Variants in GABRA2 observed in about 807,000 individuals in gnomAD.
The protein encoded by GABRA2 is gamma-aminobutyric acid receptor subunit alpha-2.
GABRA2 carries 16 observed loss-of-function variants against 48.7 expected under a neutral mutation model. The ratio of observed to expected loss-of-function variants is 0.33; its 90% CI spans 0.22 to 0.50. GABRA2 has a LOEUF of 0.50. Ranked by LOEUF, GABRA2 falls within the 20% of genes least tolerant of loss-of-function variation. GABRA2 has a pLI of 0.98. For synonymous variants in GABRA2, 185 were observed against 184.5 expected (o/e 1.00, Z -0.02); for missense variants, 275 against 535.6 (o/e 0.51, Z 4.80).
chr4:46,254,575 C>A (rs1039716437), intron 9 of GABRA2, among the ~76,000 whole-genome samples: 1 of 151,202 alleles, frequency 6.6e-6, no homozygotes, highest in Non-Finnish European at 1.5e-5. Context: ...AAAATATACA[C>A]CGTGTTCCAG....
chr4:46,360,014 G>A (rs1014702605), intron 3 of GABRA2, among the ~76,000 whole-genome samples: 1 of 152,080 alleles, frequency 6.6e-6, no homozygotes, highest in Non-Finnish European at 1.5e-5. Context: ...TAGTAAAAAG[G>A]GGATTACTCC....
intron 7 of GABRA2, among the ~76,000 whole-genome samples, chr4:46,304,795 G>A (rs1051821486): frequency 2.0e-5 from 3 of 151,534 alleles, no homozygotes; most frequent in Admixed American, 2.0e-4. Context: ...CAGCGTGGTG[G>A]TGCGCCTATA....
At chr4:46,291,792 C>CATATATATATATATATATATAT (rs3068359) in intron 8 of GABRA2, among the ~76,000 whole-genome samples, 1 of 147,570 alleles carries the variant, frequency 6.8e-6, no homozygotes, top group Non-Finnish European at 1.5e-5. Context: ...TATATATATA[C>CATATATATATATATATATATAT]ATATACATAT....
At chr4:46,299,814 A>G (rs933662941) in intron 8 of GABRA2, among the ~76,000 whole-genome samples, 12 of 151,622 alleles carry the variant, frequency 7.9e-5, no homozygotes, top group Non-Finnish European at 1.8e-4. Context: ...AAGGACAGTC[A>G]TGACAGCAGT....
chr4:46,369,011 G>A, intron 3 of GABRA2: 1 of 700,608 alleles, frequency 1.4e-6, no homozygotes, highest in Admixed American at 2.0e-5. Flanking sequence ...TGGAAACTGG[G>A]AAAGAAGAAA....
intron 9 of GABRA2, among the ~76,000 whole-genome samples, chr4:46,255,172 A>G (rs1715555880): frequency 6.6e-6 from 1 of 151,640 alleles, no homozygotes; most frequent in Admixed American, 6.6e-5. Flanking sequence ...CAGAGTTCCT[A>G]GCATAGTTCC....
At chr4:46,382,938 T>C (rs1479934636) in intron 3 of GABRA2, among the ~76,000 whole-genome samples, 2 of 152,186 alleles carry the variant, frequency 1.3e-5, no homozygotes, top group Admixed American at 6.5e-5. Flanking sequence ...TGCAGTTTGA[T>C]ACATTAAAAT....
At chr4:46,334,242 T>G (rs550366322) in intron 3 of GABRA2, among the ~76,000 whole-genome samples, 1 of 152,116 alleles carries the variant, frequency 6.6e-6, no homozygotes, top group Admixed American at 6.6e-5. Context: ...TTAAAAATCT[T>G]AATTATTTTT....
intron 3 of GABRA2, among the ~76,000 whole-genome samples, chr4:46,373,068 T>A (rs546130189): frequency 6.6e-6 from 1 of 152,298 alleles, no homozygotes; most frequent in East Asian, 1.9e-4. Flanking sequence ...CAATCAGATA[T>A]CTGAGGCTGA....
intron 4 of GABRA2, among the ~76,000 whole-genome samples, chr4:46,313,175 AAAGAAAAAACATAACAG>A (rs1727956107): frequency 8.6e-5 from 13 of 150,354 alleles, no homozygotes; most frequent in African/African-American, 3.1e-4. Context: ...TAAAAATTAA[AAAGAAAAAACATAACAG>A]AAAAAATTAA....
Position 46,305,644 on chromosome 4 carries a change from A to G in GABRA2, c.627T>C (p.Ala209=), listed in dbSNP as rs777152520. ...ATTGATTTAACCTAGAGCCATCAGG[A>G]GCAACCTGTACTGAATCAGATGCAT... ...TYNASDSVQV[A]PDGSRLNQYD... The change falls in exon 7 of 10, where the codon GCT becomes GCC. Residue 209 remains alanine (A), a synonymous_variant. Coordinates refer to ENST00000381620, the MANE Select transcript of GABRA2 (RefSeq NM_000807.4). 1.2e-6 allele frequency: 2 copies of G among 1,613,658 alleles called. No homozygotes were observed. The highest frequency in any genetic ancestry group is 2.2e-5 in the South Asian group (2 of 91,082).
At chr4:46,340,477 T>C (rs1733031965) in intron 3 of GABRA2, among the ~76,000 whole-genome samples, 1 of 152,016 alleles carries the variant, frequency 6.6e-6, no homozygotes, top group African/African-American at 2.4e-5. Flanking sequence ...TCCCTTCTAT[T>C]CTATTCTATT....
In GABRA2 at chr4:46,348,195, C is replaced by T. The variant is rs1032929992; in HGVS notation, c.188-15513G>A. On this transcript the variant is annotated intron_variant, in intron 3 of 9. Coordinates refer to ENST00000381620, the MANE Select transcript of GABRA2 (RefSeq NM_000807.4). ...AAAAATGCTCATCATCACTGGCCAT[C>T]AGAGAAATGCAAATCAAAACCACAA... Among the ~76,000 whole-genome samples the T allele has an allele frequency of 1.2e-4, 19 of 152,152 alleles. No homozygotes were observed. In the East Asian group the frequency reaches 3.5e-3, roughly 28 times the overall value.
intron 3 of GABRA2, among the ~76,000 whole-genome samples, chr4:46,350,074 C>T (rs1171883753): frequency 1.3e-5 from 2 of 151,726 alleles, no homozygotes; most frequent in African/African-American, 4.8e-5. Flanking sequence ...TCATGATCCC[C>T]CATGAACTGT....
chr4:46,344,350 T>C (rs1560555343), intron 3 of GABRA2, among the ~76,000 whole-genome samples: 1 of 151,894 alleles, frequency 6.6e-6, no homozygotes, highest in Non-Finnish European at 1.5e-5. Flanking sequence ...GAATATTTGC[T>C]TGATTTAGAG....
At chr4:46,295,149 G>A (rs914175694) in intron 8 of GABRA2, among the ~76,000 whole-genome samples, 1 of 152,222 alleles carries the variant, frequency 6.6e-6, no homozygotes, top group Admixed American at 6.5e-5. Flanking sequence ...GACAGCTGCA[G>A]CACTGCAGCC....
At chr4:46,287,862 G>C (rs1300521614) in intron 8 of GABRA2, among the ~76,000 whole-genome samples, 1 of 152,092 alleles carries the variant, frequency 6.6e-6, no homozygotes, top group East Asian at 1.9e-4. Flanking sequence ...ATATACCTGA[G>C]ACTGGCCAAT....
chr4:46,260,496 C>A (rs543231794), intron 9 of GABRA2, among the ~76,000 whole-genome samples: 6 of 151,854 alleles, frequency 4.0e-5, no homozygotes, highest in Admixed American at 1.3e-4. Flanking sequence ...GTCAATTTGG[C>A]ACTCTCTAAT....
intron 3 of GABRA2, among the ~76,000 whole-genome samples, chr4:46,385,657 A>G (rs538097526): frequency 6.6e-6 from 1 of 152,168 alleles, no homozygotes; most frequent in Admixed American, 6.5e-5. Context: ...TACAACCACT[A>G]TATTCTTAAA....
Sources: allele counts gnomAD v4.1 joint callset (sites outside exome capture counted in the v4.1 genomes callset), GRCh38; gene constraint gnomAD v4.1.1; transcripts MANE v1.5; gene names NCBI Gene and HGNC (gene_info 2026-07-23, HGNC 2026-07-21).